Variants in GHR observed in about 807,000 individuals in gnomAD.
GHR encodes growth hormone receptor.
In GHR, 35 loss-of-function variants were observed where a neutral mutation model predicts 67.1. That is an observed-to-expected ratio of 0.52 (90% CI 0.40 to 0.69). The LOEUF is 0.69. Ranked by LOEUF, GHR falls within the 30% of genes least tolerant of loss-of-function variation. The pLI is 0.00. For missense variants in GHR, 792 were observed against 764.6 expected (o/e 1.04, Z -0.42); for synonymous variants, 272 against 269.1 (o/e 1.01, Z -0.10).
chr5:42,616,086 G>T (rs778652120), intron 2 of GHR, among the ~76,000 whole-genome samples: 1 of 151,974 alleles, frequency 6.6e-6, no homozygotes, highest in African/African-American at 2.4e-5. Context: ...TGGGGATCTT[G>T]GTGGCCATGA....
chr5:42,670,329 T>C (rs1290079608), intron 3 of GHR, among the ~76,000 whole-genome samples: 1 of 152,152 alleles, frequency 6.6e-6, no homozygotes, highest in African/African-American at 2.4e-5. Flanking sequence ...TGCTGAAGAA[T>C]GAAATTAGAT....
At chr5:42,613,108 G>A (rs749538993) in intron 2 of GHR, among the ~76,000 whole-genome samples, 1 of 151,930 alleles carries the variant, frequency 6.6e-6, no homozygotes, top group Non-Finnish European at 1.5e-5. Context: ...TGCTTTCTTG[G>A]TATTTCTCTT....
intron 1 of GHR, among the ~76,000 whole-genome samples, chr5:42,438,868 G>A (rs2111942937): frequency 6.6e-6 from 1 of 152,258 alleles, no homozygotes; most frequent in African/African-American, 2.4e-5. Context: ...ACCCAGCTAA[G>A]GTGATTCTAG....
intron 1 of GHR, chr5:42,465,900 C>T: frequency 1.4e-6 from 1 of 713,318 alleles, no homozygotes; most frequent in East Asian, 2.5e-5. Flanking sequence ...AGTGGCTTTT[C>T]AAGTCTTCGT....
At chr5:42,714,046 T>A (rs544236010) in intron 8 of GHR, 1 of 156,096 alleles carries the variant, frequency 6.4e-6, no homozygotes, top group East Asian at 1.9e-4. Context: ...CCAGAGTAGC[T>A]GGGATTACAG....
chr5:42,566,084 T>C, intron 2 of GHR, 140 bp downstream of exon 2: 1 of 958,594 alleles, frequency 1.0e-6, no homozygotes, highest in East Asian at 2.5e-5. Flanking sequence ...GACTTAGCTT[T>C]AAAATCAGAA....
At chr5:42,539,091 T>A (rs4866936) in intron 1 of GHR, among the ~76,000 whole-genome samples, 2,583 of 152,236 alleles carry the variant, frequency 0.017, 147 homozygotes, top group East Asian at 0.12. Context: ...TTGTATCATT[T>A]CGTTGTATCA....
At chr5:42,645,669 T>G (rs1396206377) in intron 3 of GHR, among the ~76,000 whole-genome samples, 12 of 152,196 alleles carry the variant, frequency 7.9e-5, no homozygotes, top group Non-Finnish European at 1.8e-4. Context: ...TCTTCCTGCC[T>G]TTCTCTCTGC....
chr5:42,456,959 T>G (rs1744288641), intron 1 of GHR, among the ~76,000 whole-genome samples: 1 of 152,190 alleles, frequency 6.6e-6, no homozygotes, highest in Non-Finnish European at 1.5e-5. Flanking sequence ...TTCTGGGCAT[T>G]TTTAATGAAG....
intron 1 of GHR, among the ~76,000 whole-genome samples, chr5:42,428,056 G>A (rs1742930732): frequency 6.6e-6 from 1 of 152,236 alleles, no homozygotes; most frequent in African/African-American, 2.4e-5. Context: ...ACTCTGTGTA[G>A]AGGATCCAAC....
chr5:42,634,867 A>G (rs1002564396), intron 3 of GHR, among the ~76,000 whole-genome samples: 1 of 152,166 alleles, frequency 6.6e-6, no homozygotes, highest in Non-Finnish European at 1.5e-5. Context: ...CTCTGCTTTC[A>G]TTCTTTTTTA....
intron 2 of GHR, among the ~76,000 whole-genome samples, chr5:42,591,553 C>A (rs965708316): frequency 6.6e-6 from 1 of 152,282 alleles, no homozygotes; most frequent in East Asian, 1.9e-4. Flanking sequence ...CACTAATCTG[C>A]GGATGAGTTA....
intron 1 of GHR, among the ~76,000 whole-genome samples, chr5:42,432,092 G>A (rs535558472): frequency 9.9e-5 from 15 of 152,134 alleles, no homozygotes; most frequent in African/African-American, 2.4e-4. Flanking sequence ...TTTTTTCCTC[G>A]GTTGTTTATA....
intron 1 of GHR, chr5:42,548,239 G>C: frequency 1.0e-6 from 1 of 985,306 alleles, no homozygotes; most frequent in South Asian, 4.7e-5. Flanking sequence ...GCATGAGAGA[G>C]AGAGATTGAG....
intron 2 of GHR, among the ~76,000 whole-genome samples, chr5:42,584,371 G>A (rs911719194): frequency 1.3e-5 from 2 of 152,048 alleles, no homozygotes; most frequent in Admixed American, 1.3e-4. Flanking sequence ...AGTTTGGGTG[G>A]GAGGAAAAGA....
At chr5:42,613,610 G>A (rs1245932864) in intron 2 of GHR, among the ~76,000 whole-genome samples, 2 of 152,090 alleles carry the variant, frequency 1.3e-5, no homozygotes, top group African/African-American at 4.8e-5. Flanking sequence ...ATTTGACTTT[G>A]ACATTATGTT....
chr5:42,717,974 T>C, intron 8 of GHR, 78 bp from the exon 9 acceptor site: 1 of 771,064 alleles, frequency 1.3e-6, no homozygotes, highest in Middle Eastern at 2.3e-4. Context: ...ATTGCCAATA[T>C]TTTATTTCTA....
intron 2 of GHR, among the ~76,000 whole-genome samples, chr5:42,576,123 T>TAA (rs1184410153): frequency 0.027 from 2,249 of 84,856 alleles, 91 homozygotes; most frequent in African/African-American, 0.051. Flanking sequence ...TAAAATAAAA[T>TAA]AAAATAAAAT....
intron 3 of GHR, among the ~76,000 whole-genome samples, chr5:42,650,963 A>G (rs1269562914): frequency 6.6e-6 from 1 of 152,208 alleles, no homozygotes; most frequent in Non-Finnish European, 1.5e-5. Flanking sequence ...GGCTTACCAT[A>G]TAAATCTATG....
Sources: allele counts gnomAD v4.1 joint callset (sites outside exome capture counted in the v4.1 genomes callset), GRCh38; gene constraint gnomAD v4.1.1; transcripts MANE v1.5; gene names NCBI Gene and HGNC (gene_info 2026-07-23, HGNC 2026-07-21).